PPP1R2: variants seen among roughly 807,000 people sequenced by gnomAD.
PPP1R2 encodes protein phosphatase 1 regulatory inhibitor subunit 2, also known as protein phosphatase inhibitor 2.
Under a neutral mutation model 29.9 loss-of-function variants are expected in PPP1R2, and 16 were observed. The ratio of observed to expected loss-of-function variants is 0.53; its 90% confidence interval spans 0.36 to 0.81. The LOEUF (loss-of-function observed/expected upper bound fraction) is 0.81, where lower values mean the gene tolerates loss of function less well. Ranked by LOEUF, PPP1R2 falls within the 30% of genes least tolerant of loss-of-function variation. PPP1R2 has a pLI of 0.00. For missense variants in PPP1R2, 197 were observed against 252.7 expected (o/e 0.78, Z 1.49); for synonymous variants, 76 against 91.5 (o/e 0.83, Z 0.96).
chr3:195,537,500 T>G, intron 1 of PPP1R2, among the ~76,000 whole-genome samples: 1 of 150,130 alleles, frequency 6.7e-6, no homozygotes, highest in East Asian at 1.9e-4. Flanking sequence ...TGTGTGTGTG[T>G]GTGTGTGTGT....
At position 195,516,907 on chromosome 3, in the gene PPP1R2, G is replaced by C; in HGVS notation, c.607C>G (p.Arg203Gly). The C allele has an allele frequency of 6.2e-7, 1 of 1,612,268 alleles. No homozygotes were observed. The highest frequency in any genetic ancestry group is 8.5e-7 in the Non-Finnish European group (1 of 1,178,624). ...TPSDQQQNKL[R>G]SS Reference sequence around the variant, plus strand: ...TGAACAAATCTCGTCTATGAACTTCGTAATTTGTTTTGCTGTTGGTCACTT... The same window carrying C: ...TGAACAAATCTCGTCTATGAACTTCCTAATTTGTTTTGCTGTTGGTCACTT... The change falls in exon 6 of 6, where the codon CGA becomes GGA. Residue 203 changes from arginine to glycine, a missense_variant. Physicochemically the swap from Arg to Gly is moderately radical, Grantham distance 125 (BLOSUM62 -2). Transcript: ENST00000618156.
In PPP1R2 at chr3:195,516,202, A is replaced by C. The variant is rs1718539761; in HGVS notation, c.*694T>G. On this transcript the variant is annotated 3_prime_UTR_variant, in exon 6 of 6. Transcript: ENST00000618156. ...GTGTACCAAAAACATTAAAAAACAAAAACAAACAAAAACCCCCCAAAAACA... is the reference window on the plus strand; with the variant it reads ...GTGTACCAAAAACATTAAAAAACAACAACAAACAAAAACCCCCCAAAAACA... The C allele has an allele frequency of 6.6e-6, 1 of 152,530 alleles. No individual in the cohort carries two copies. Among genetic ancestry groups the C allele is most frequent in the Non-Finnish European group, 1.5e-5 (1 of 67,970 alleles). 9.4% of individuals were successfully genotyped at this position (152,530 alleles called of 1,614,324 possible). A position where few individuals can be genotyped will look rare whatever the true frequency, so the allele number is the denominator to read the frequency against.
chr3:195,539,204 C>A (rs1477907765), intron 1 of PPP1R2, among the ~76,000 whole-genome samples: 2 of 152,144 alleles, frequency 1.3e-5, no homozygotes, highest in Non-Finnish European at 2.9e-5. Context: ...CTAAATTAGA[C>A]CTTCATAAGT....
intron 1 of PPP1R2, among the ~76,000 whole-genome samples, chr3:195,530,586 C>T (rs998003290): frequency 7.2e-5 from 11 of 152,184 alleles, no homozygotes; most frequent in East Asian, 1.9e-4. Context: ...AGTACAGTGG[C>T]GCCATCTCGG....
In PPP1R2 at chr3:195,517,880, G is replaced by A. The variant is rs73065896; in HGVS notation, c.572-938C>T. Among the ~76,000 whole-genome samples, 552 of 152,206 alleles carry A rather than the reference G, an allele frequency of 3.6e-3. 5 individuals are homozygous for A. The highest frequency in any genetic ancestry group is 0.012 in the African/African-American group (518 of 41,536). On this transcript the variant is annotated intron_variant, in intron 5 of 5. Transcript: ENST00000618156. ...AGACTAAAAGGTTGAAGCATATTAC[G>A]GAATAACAAAAAGTACTGTAATCCT...
chr3:195,541,547 T>G (rs1719600246), intron 1 of PPP1R2, among the ~76,000 whole-genome samples: 1 of 149,952 alleles, frequency 6.7e-6, no homozygotes, highest in South Asian at 2.1e-4. Flanking sequence ...TCCTCCCACC[T>G]TGGCCTCTCC....
intron 5 of PPP1R2, among the ~76,000 whole-genome samples, chr3:195,518,523 C>T (rs1320926762): frequency 2.6e-5 from 4 of 151,716 alleles, no homozygotes; most frequent in Admixed American, 6.6e-5. Flanking sequence ...TGGTGGCAGG[C>T]GCCTGTAATC....
chr3:195,528,866 T>C (rs1024884134), intron 2 of PPP1R2: 3 of 152,586 alleles, frequency 2.0e-5, no homozygotes, highest in African/African-American at 7.3e-5. Flanking sequence ...CAAGGTATTA[T>C]CTTTTTTTTT....
At chr3:195,527,429 G>A (rs1719012654) in intron 2 of PPP1R2, among the ~76,000 whole-genome samples, 2 of 151,774 alleles carry the variant, frequency 1.3e-5, no homozygotes, top group African/African-American at 4.8e-5. Flanking sequence ...CAGCCCGGGT[G>A]ACAGAGTGAG....
intron 3 of PPP1R2, among the ~76,000 whole-genome samples, chr3:195,524,113 T>C (rs994498913): frequency 6.7e-6 from 1 of 148,612 alleles, no homozygotes; most frequent in African/African-American, 2.5e-5. Flanking sequence ...ATAAAAAGAG[T>C]AGAAATGGGC....
At chr3:195,527,576 T>C (rs1183581754) in intron 2 of PPP1R2, among the ~76,000 whole-genome samples, 2 of 152,210 alleles carry the variant, frequency 1.3e-5, no homozygotes, top group African/African-American at 4.8e-5. Flanking sequence ...AACTATTTTT[T>C]TAAATCATGT....
intron 4 of PPP1R2, among the ~76,000 whole-genome samples, chr3:195,521,090 C>T (rs1718739759): frequency 6.6e-6 from 1 of 151,342 alleles, no homozygotes; most frequent in South Asian, 2.1e-4. Context: ...CCGAGGAGGG[C>T]GGATCATGAG....
At chr3:195,529,046 T>TA (rs1719088368) in intron 2 of PPP1R2, 1 of 151,728 alleles carries the variant, frequency 6.6e-6, no homozygotes, top group Non-Finnish European at 1.5e-5. Context: ...TTTGTATTTT[T>TA]TTTTTTTTTT....
At chr3:195,538,576 T>C (rs924737647) in intron 1 of PPP1R2, among the ~76,000 whole-genome samples, 1 of 152,184 alleles carries the variant, frequency 6.6e-6, no homozygotes, top group African/African-American at 2.4e-5. Context: ...CATCCCTTTA[T>C]AGGCAGAAAA....
chr3:195,529,164 T>C (rs2641361), intron 2 of PPP1R2: 119,280 of 151,960 alleles, frequency 0.78, 47,026 homozygotes, highest in East Asian at 0.99. Flanking sequence ...GCCACAGTGC[T>C]CGGCCCAAGG....
At chr3:195,537,198 A>G (rs991069192) in intron 1 of PPP1R2, among the ~76,000 whole-genome samples, 7 of 82,182 alleles carry the variant, frequency 8.5e-5, no homozygotes, top group African/African-American at 3.5e-4. Flanking sequence ...TATATGTAGT[A>G]TAAGTTGCTT....
At chr3:195,536,180 G>A (rs1343088999) in intron 1 of PPP1R2, among the ~76,000 whole-genome samples, 1 of 151,908 alleles carries the variant, frequency 6.6e-6, no homozygotes, top group African/African-American at 2.4e-5. Flanking sequence ...TTGGGGGGCT[G>A]GGCACAGTGG....
intron 1 of PPP1R2, among the ~76,000 whole-genome samples, chr3:195,539,162 A>T (rs1398893992): frequency 6.6e-6 from 1 of 152,174 alleles, no homozygotes; most frequent in Non-Finnish European, 1.5e-5. Context: ...TCTTCTTTTC[A>T]TTAAGATACA....
intron 1 of PPP1R2, among the ~76,000 whole-genome samples, chr3:195,533,805 TAG>T (rs548241455): frequency 6.6e-6 from 1 of 152,226 alleles, no homozygotes; most frequent in Non-Finnish European, 1.5e-5. Context: ...TACAAGACTA[TAG>T]ACTCTAATAT....
Sources: gnomAD v4.1 joint callset for allele counts (sites outside exome capture counted in the v4.1 genomes callset) on GRCh38, gnomAD v4.1.1 for gene constraint, MANE v1.5 for transcripts, NCBI Gene and HGNC (gene_info 2026-07-23, HGNC 2026-07-21) for gene names.